The following FNDC3B variants were observed in gnomAD, a reference collection of about 807,000 sequenced individuals.
FNDC3B encodes the protein fibronectin type III domain-containing protein 3B.
A neutral mutation model predicts 151.5 loss-of-function variants in FNDC3B; 12 were observed. That is an observed-to-expected ratio of 0.08 (90% CI 0.05 to 0.13). The LOEUF (loss-of-function observed/expected upper bound fraction) is 0.13. FNDC3B is among the 10% of genes least tolerant of loss of function. The probability of loss-of-function intolerance (pLI) is 1.00; values close to 1 mark genes in which losing one functional copy is unlikely to be tolerated. For missense variants in FNDC3B, 1,214 were observed against 1,505.3 expected (o/e 0.81, Z 3.20); for synonymous variants, 528 against 549.0 (o/e 0.96, Z 0.54).
Position 172,117,551 on chromosome 3 carries a change from A to C in FNDC3B, c.111+4961A>C, listed in dbSNP as rs184078952. Among the ~76,000 whole-genome samples the C allele has an allele frequency of 2.8e-3, 431 of 152,376 alleles. 3 individuals carry two copies. The Middle Eastern group carries it at 0.031, about 11-fold the overall frequency. On this transcript the variant is annotated intron_variant, in intron 2 of 25. Transcript: ENST00000415807. ...TAGCAGCTACCAGTTAAACCATTAG[A>C]TTAAAAACAGAAGTGTCGACATAGG...
intron 25 of FNDC3B, among the ~76,000 whole-genome samples, chr3:172,383,675 G>C (rs567290766): frequency 6.6e-6 from 1 of 152,262 alleles, no homozygotes; most frequent in South Asian, 2.1e-4. Context: ...GAGTAGCAAG[G>C]CTCTGTAAAT....
intron 23 of FNDC3B, among the ~76,000 whole-genome samples, chr3:172,366,230 A>C (rs1734613321): frequency 6.6e-6 from 1 of 152,228 alleles, no homozygotes; most frequent in Non-Finnish European, 1.5e-5. Context: ...AATGACCAAG[A>C]GATTTACAAA....
intron 1 of FNDC3B, among the ~76,000 whole-genome samples, chr3:172,084,285 C>CA (rs1476733333): frequency 4.0e-5 from 6 of 151,508 alleles, no homozygotes; most frequent in Admixed American, 1.3e-4. Flanking sequence ...CCTGTCTCTA[C>CA]AAAAAAATAA....
chr3:172,201,642 G>A (rs1220397842), intron 3 of FNDC3B, among the ~76,000 whole-genome samples: 2 of 152,274 alleles, frequency 1.3e-5, no homozygotes, highest in South Asian at 2.1e-4. Context: ...TTCTTTGCAC[G>A]AAATGCTGAC....
At chr3:172,378,145 T>C in intron 23 of FNDC3B, 125 bp from the exon 24 acceptor site, 1 of 680,922 alleles carries the variant, frequency 1.5e-6, no homozygotes, top group Non-Finnish European at 2.4e-6. Flanking sequence ...GGCTGATTAT[T>C]AATTCAGAAT....
At chr3:172,339,094 T>C (rs371673412) in intron 16 of FNDC3B, among the ~76,000 whole-genome samples, 2 of 152,072 alleles carry the variant, frequency 1.3e-5, no homozygotes, top group Non-Finnish European at 1.5e-5. Flanking sequence ...AGAGCATTGA[T>C]AAAACTTTTA....
intron 4 of FNDC3B, among the ~76,000 whole-genome samples, chr3:172,241,920 A>G (rs151094372): frequency 7.5e-4 from 114 of 152,368 alleles, no homozygotes; most frequent in African/African-American, 2.6e-3. Context: ...CTATCTGCCT[A>G]TAAGCCTATA....
intron 1 of FNDC3B, among the ~76,000 whole-genome samples, chr3:172,077,018 G>A (rs1289752324): frequency 6.6e-6 from 1 of 152,064 alleles, no homozygotes; most frequent in Admixed American, 6.6e-5. Flanking sequence ...AACAAAATCT[G>A]CATAATGAAA....
At chr3:172,235,792 T>C (rs186156426) in intron 4 of FNDC3B, among the ~76,000 whole-genome samples, 3 of 152,352 alleles carry the variant, frequency 2.0e-5, no homozygotes, top group Admixed American at 1.3e-4. Context: ...TAAGGAATTA[T>C]TTTATGTTGA....
intron 3 of FNDC3B, among the ~76,000 whole-genome samples, chr3:172,217,366 C>A (rs964265756): frequency 1.3e-5 from 2 of 152,192 alleles, no homozygotes; most frequent in Admixed American, 1.3e-4. Flanking sequence ...TGAATGGATT[C>A]ACCAACTTTC....
chr3:172,099,712 A>T (rs1719284847), intron 1 of FNDC3B, among the ~76,000 whole-genome samples: 1 of 152,188 alleles, frequency 6.6e-6, no homozygotes, highest in Admixed American at 6.5e-5. Context: ...ATGTTCTCTA[A>T]TGAGTGTGGC....
intron 6 of FNDC3B, among the ~76,000 whole-genome samples, chr3:172,278,614 T>C (rs1414009889): frequency 6.6e-6 from 1 of 152,170 alleles, no homozygotes. Flanking sequence ...CCCTGTACAA[T>C]TTGATGTTCT....
At chr3:172,286,067 A>G (rs1448468441) in intron 7 of FNDC3B, 83 bp downstream of exon 7, 1 of 1,007,252 alleles carries the variant, frequency 9.9e-7, no homozygotes. Flanking sequence ...ACCACACAGT[A>G]GGTAAGGAAA....
intron 3 of FNDC3B, among the ~76,000 whole-genome samples, chr3:172,173,308 G>A (rs768002716): frequency 4.6e-5 from 7 of 151,962 alleles, no homozygotes; most frequent in African/African-American, 9.7e-5. Context: ...TTTTATCGTG[G>A]GGGTCCTAAA....
intron 2 of FNDC3B, among the ~76,000 whole-genome samples, chr3:172,124,311 G>A (rs947113199): frequency 9.9e-5 from 15 of 152,184 alleles, no homozygotes; most frequent in African/African-American, 3.1e-4. Context: ...GTCTGGTCTC[G>A]AAGTCCCAGC....
At chr3:172,281,199 CTTA>C (rs1311003986) in intron 6 of FNDC3B, among the ~76,000 whole-genome samples, 1 of 142,878 alleles carries the variant, frequency 7.0e-6, no homozygotes, top group Non-Finnish European at 1.5e-5. Context: ...ACAAGAGTGC[CTTA>C]TTATTATTAT....
At chr3:172,125,490 A>G (rs1177253011) in intron 2 of FNDC3B, among the ~76,000 whole-genome samples, 1 of 152,178 alleles carries the variant, frequency 6.6e-6, no homozygotes, top group Non-Finnish European at 1.5e-5. Context: ...TAGTAGAGGT[A>G]GTAGAGGTTC....
intron 25 of FNDC3B, among the ~76,000 whole-genome samples, chr3:172,386,262 G>A (rs958243914): frequency 2.7e-5 from 4 of 148,318 alleles, no homozygotes; most frequent in Non-Finnish European, 4.5e-5. Context: ...ACAGTTTCAT[G>A]CATAGTAAGA....
chr3:172,259,900 C>T (rs1728560709), intron 6 of FNDC3B, among the ~76,000 whole-genome samples: 1 of 152,186 alleles, frequency 6.6e-6, no homozygotes, highest in South Asian at 2.1e-4. Flanking sequence ...TGAAGCTTCA[C>T]ATTTTTCACT....
Sources: allele counts gnomAD v4.1 joint callset (sites outside exome capture counted in the v4.1 genomes callset), GRCh38; gene constraint gnomAD v4.1.1; transcripts MANE v1.5; gene names NCBI Gene and HGNC (gene_info 2026-07-23, HGNC 2026-07-21).